Variants in MMP16 observed in about 807,000 individuals in gnomAD.
MMP16 encodes the protein matrix metallopeptidase 16, also known as matrix metalloproteinase-16.
In MMP16, 12 loss-of-function variants were observed where a neutral mutation model predicts 67.8. The ratio of observed to expected loss-of-function variants is 0.18; its 90% confidence interval spans 0.11 to 0.29. The LOEUF (loss-of-function observed/expected upper bound fraction) is 0.29, where lower values mean the gene tolerates loss of function less well. Ranked by LOEUF, MMP16 falls within the 10% of genes least tolerant of loss-of-function variation. The pLI, the probability that MMP16 is intolerant of heterozygous loss-of-function variation, is 1.00. For missense variants in MMP16, 475 were observed against 765.7 expected (o/e 0.62, Z 4.48); for synonymous variants, 249 against 255.9 (o/e 0.97, Z 0.26).
In MMP16 at chr8:88,105,281, T is replaced by C. The variant is rs187926016; in HGVS notation, c.1083+11226A>G. 1.6e-3 allele frequency among the ~76,000 whole-genome samples: 245 copies of C among 151,634 alleles called. 5 individuals carry two copies. Among genetic ancestry groups the C allele is most frequent in the African/African-American group, 5.6e-3 (234 of 41,468 alleles). On this transcript the variant is annotated intron_variant, in intron 6 of 9. Transcript: ENST00000286614. ...TTTCCTACTGGCCAAAAAGGTGCAG[T>C]AGATATCTTTGTTCATTTTAATTTT...
intron 4 of MMP16, among the ~76,000 whole-genome samples, chr8:88,132,102 C>T (rs1808039575): frequency 6.6e-6 from 1 of 151,654 alleles, no homozygotes. Context: ...TGATTTTTAC[C>T]AAAATCTATT....
Position 88,258,801 on chromosome 8 carries a change from A to G in MMP16, c.133-61495T>C, listed in dbSNP as rs149490736. On this transcript the variant is annotated intron_variant, in intron 1 of 9. Transcript: ENST00000286614. Reference sequence around the variant, plus strand: ...GTCATTTCTTTTACAGAGAAGACACAGTATAAAGTTGGAATACTGCAGAAA... The same window carrying G: ...GTCATTTCTTTTACAGAGAAGACACGGTATAAAGTTGGAATACTGCAGAAA... Among the ~76,000 whole-genome samples the G allele has an allele frequency of 1.4e-4, 22 of 152,360 alleles. No individual in the cohort carries two copies. In the East Asian group the frequency reaches 4.2e-3, roughly 29 times the overall value.
chr8:88,090,981 T>C (rs1181389841), intron 6 of MMP16, among the ~76,000 whole-genome samples: 2 of 151,888 alleles, frequency 1.3e-5, no homozygotes, highest in Non-Finnish European at 2.9e-5. Flanking sequence ...GTCTTTTCTT[T>C]CTCTTTCCTA....
At chr8:88,049,939 C>T (rs1246769391) in intron 8 of MMP16, among the ~76,000 whole-genome samples, 2 of 152,160 alleles carry the variant, frequency 1.3e-5, no homozygotes, top group Non-Finnish European at 2.9e-5. Flanking sequence ...GTGGGAGGAT[C>T]TGTTGAGCCC....
intron 1 of MMP16, among the ~76,000 whole-genome samples, chr8:88,300,012 A>C (rs2130039816): frequency 6.6e-6 from 1 of 152,356 alleles, no homozygotes; most frequent in Non-Finnish European, 1.5e-5. Context: ...CTATAAAAGT[A>C]AATATAAATG....
At chr8:88,203,104 C>CTT (rs33928858) in intron 1 of MMP16, among the ~76,000 whole-genome samples, 80,075 of 123,068 alleles carry the variant, frequency 0.65, 28,860 homozygotes, top group Non-Finnish European at 0.8. Context: ...ACCAGAACTT[C>CTT]TTTTTTTTTT....
At chr8:88,217,206 T>A (rs1388467994) in intron 1 of MMP16, among the ~76,000 whole-genome samples, 1 of 152,086 alleles carries the variant, frequency 6.6e-6, no homozygotes, top group Non-Finnish European at 1.5e-5. Flanking sequence ...CTGCTTTAAA[T>A]AGATAATGGT....
At chr8:88,112,666 G>GGTGTGTGTGTGTGTGTGT (rs6150692) in intron 6 of MMP16, among the ~76,000 whole-genome samples, 3,116 of 146,682 alleles carry the variant, frequency 0.021, 52 homozygotes, top group African/African-American at 0.045. Context: ...AGGACAGAAG[G>GGTGTGTGTGTGTGTGTGT]GTGTGTGTGT....
chr8:88,090,298 A>G (rs755642265), intron 6 of MMP16, among the ~76,000 whole-genome samples: 11 of 151,960 alleles, frequency 7.2e-5, no homozygotes, highest in African/African-American at 1.2e-4. Flanking sequence ...GTTATTGATT[A>G]TTGTGTAAAG....
intron 1 of MMP16, among the ~76,000 whole-genome samples, chr8:88,206,310 C>T (rs1038013711): frequency 2.0e-5 from 3 of 152,080 alleles, no homozygotes; most frequent in African/African-American, 7.2e-5. Flanking sequence ...ATGTTTTTCT[C>T]AATGTGGTTT....
chr8:88,294,162 G>C (rs1034192492), intron 1 of MMP16, among the ~76,000 whole-genome samples: 20 of 148,904 alleles, frequency 1.3e-4, no homozygotes, highest in Non-Finnish European at 2.7e-4. Context: ...CTATACATGT[G>C]TATATATAAT....
At chr8:88,104,935 T>C (rs917085915) in intron 6 of MMP16, among the ~76,000 whole-genome samples, 38 of 151,508 alleles carry the variant, frequency 2.5e-4, no homozygotes, top group African/African-American at 8.9e-4. Context: ...GAAGTTACAG[T>C]AAGCTAAGGT....
At chr8:88,313,554 T>C (rs1811331471) in intron 1 of MMP16, among the ~76,000 whole-genome samples, 1 of 152,222 alleles carries the variant, frequency 6.6e-6, no homozygotes, top group African/African-American at 2.4e-5. Flanking sequence ...TTCTTTTTTC[T>C]TTGTGCTTGG....
chr8:88,141,686 C>T (rs1259520422), intron 4 of MMP16, among the ~76,000 whole-genome samples: 4 of 152,100 alleles, frequency 2.6e-5, no homozygotes, highest in Non-Finnish European at 5.9e-5. Context: ...TTATTATTTG[C>T]AATTTATTAT....
intron 6 of MMP16, among the ~76,000 whole-genome samples, chr8:88,080,495 G>T (rs180724373): frequency 6.6e-6 from 1 of 152,202 alleles, no homozygotes; most frequent in African/African-American, 2.4e-5. Context: ...GAGTGCAGTG[G>T]CATGATCTCG....
intron 1 of MMP16, among the ~76,000 whole-genome samples, chr8:88,238,342 A>G (rs899765619): frequency 4.0e-5 from 6 of 151,648 alleles, no homozygotes; most frequent in Non-Finnish European, 7.4e-5. Context: ...GTGAAACCCC[A>G]TTTCTACTAA....
chr8:88,090,142 A>AT (rs1394779534), intron 6 of MMP16, among the ~76,000 whole-genome samples: 1 of 151,850 alleles, frequency 6.6e-6, no homozygotes, highest in South Asian at 2.1e-4. Context: ...ATATATTCCA[A>AT]TTTTTTGCAA....
intron 3 of MMP16, among the ~76,000 whole-genome samples, chr8:88,178,762 G>A (rs928254676): frequency 6.6e-6 from 1 of 152,058 alleles, no homozygotes; most frequent in African/African-American, 2.4e-5. Context: ...TTATTATGCA[G>A]TATAACCGCA....
chr8:88,206,029 C>A (rs1365424496), intron 1 of MMP16, among the ~76,000 whole-genome samples: 2 of 152,180 alleles, frequency 1.3e-5, no homozygotes, highest in Admixed American at 1.3e-4. Flanking sequence ...AGGAAACAAT[C>A]ATTTTCCACA....
Sources: gnomAD v4.1 joint callset for allele counts (sites outside exome capture counted in the v4.1 genomes callset) on GRCh38, gnomAD v4.1.1 for gene constraint, MANE v1.5 for transcripts, NCBI Gene and HGNC (gene_info 2026-07-23, HGNC 2026-07-21) for gene names.